Variants in ANXA2R observed in about 807,000 individuals in gnomAD.
The protein encoded by ANXA2R is annexin A2 receptor.
For missense variants in ANXA2R, 244 were observed against 241.5 expected (o/e 1.01, Z -0.07); for synonymous variants, 93 against 93.6 (o/e 0.99, Z 0.04).
In ANXA2R at chr5:43,039,717, T is replaced by C. The variant is rs1488236268; in HGVS notation, c.330A>G (p.Ala110=). ...QEAPVEEVGQ[A]EEPDRLRLQQ... The stretch of plus-strand genomic sequence containing the variant: ...GGAGCCTGAGTCTGTCGGGTTCCTC[T>C]GCCTGCCCCACCTCTTCTACGGGTG... Residue 110 remains alanine (A), a synonymous_variant, in exon 1 of 1, where the codon GCA becomes GCG. Transcript: ENST00000616064. 1 of 1,614,038 alleles carries C rather than the reference T, an allele frequency of 6.2e-7. No homozygotes were observed. The highest frequency in any genetic ancestry group is 8.5e-7 in the Non-Finnish European group (1 of 1,179,988).
rs918488723 is a variant in ANXA2R at position 43,039,723 on chromosome 5, C to T, written c.324G>A (p.Gly108=). The change falls in exon 1 of 1, where the codon GGG becomes GGA. Residue 108 remains glycine (G), a synonymous_variant. Transcript: ENST00000616064. ...TGAGTCTGTCGGGTTCCTCTGCCTGCCCCACCTCTTCTACGGGTGCCTCTT... is the reference window on the plus strand; with the variant it reads ...TGAGTCTGTCGGGTTCCTCTGCCTGTCCCACCTCTTCTACGGGTGCCTCTT... ...KQQEAPVEEV[G]QAEEPDRLRL... 2 of 1,614,002 alleles carry T rather than the reference C, an allele frequency of 1.2e-6. No individual in the cohort carries two copies. The highest frequency in any genetic ancestry group is 2.2e-5 in the East Asian group (1 of 44,894).
upstream of ANXA2R, chr5:43,041,029 C>T (rs929734756): frequency 7.2e-5 from 11 of 152,094 alleles, no homozygotes; most frequent in Non-Finnish European, 1.3e-4. Context: ...AACCTGATAC[C>T]AGCGAGGCTA....
chr5:43,040,711 T>C (rs576443174), upstream of ANXA2R: 1 of 152,364 alleles, frequency 6.6e-6, no homozygotes, highest in East Asian at 1.9e-4. Context: ...TTAATATGTT[T>C]TAACCCGTTT....
chr5:43,040,624 CTG>C (rs1308101311), upstream of ANXA2R: 2 of 153,328 alleles, frequency 1.3e-5, no homozygotes, highest in Non-Finnish European at 2.9e-5. Flanking sequence ...TGAACCAACT[CTG>C]TTTCAATGTG....
At chr5:43,041,355 C>T (rs753870873), upstream of ANXA2R, 8 of 151,878 alleles carry the variant, frequency 5.3e-5, no homozygotes, top group Non-Finnish European at 1.0e-4. Context: ...TAATTTCCTA[C>T]GAGAAAAAAA....
rs767183071 is a variant in ANXA2R at position 43,039,924 on chromosome 5, A to G, written c.123T>C (p.Tyr41=). ...EDRGPWPLPL[Y]PVLGEYSLDS... ...CCAGTGAGTACTCTCCTAGTACTGG[A>G]TACAAAGGAAGAGGCCACGGCCCAC... is the stretch of plus-strand genomic sequence containing the variant. The change falls in exon 1 of 1, where the codon TAT becomes TAC. Residue 41 remains tyrosine, a synonymous_variant. Coordinates refer to ENST00000616064, the MANE Select transcript of ANXA2R (RefSeq NM_001014279.3). The G allele has an allele frequency of 5.0e-6, 8 of 1,614,090 alleles. No individual in the cohort carries two copies. The South Asian group carries it at 8.8e-5, about 18-fold the overall frequency.
At chr5:43,041,739 G>C (rs769740903), upstream of ANXA2R, 1 of 151,988 alleles carries the variant, frequency 6.6e-6, no homozygotes, top group Non-Finnish European at 1.5e-5. Flanking sequence ...GTAGGAAACC[G>C]GAACTTGCTA....
upstream of ANXA2R, chr5:43,042,520 C>G (rs1286663291): frequency 2.6e-5 from 4 of 152,768 alleles, no homozygotes; most frequent in Non-Finnish European, 5.9e-5. This position sits in a 1 kb window ranked among gnomAD's most constrained non-coding sequence, Gnocchi z 5.6. Context: ...ACAGCAAAAC[C>G]GCCGGCTTCG....
In ANXA2R at chr5:43,040,103, C is replaced by A; in HGVS notation, c.-57G>T. 1 of 1,498,030 alleles carries A rather than the reference C, an allele frequency of 6.7e-7. No individual in the cohort carries two copies. Among genetic ancestry groups the A allele is most frequent in the Admixed American group, 2.1e-5 (1 of 47,416 alleles). The allele number at this position is 1,498,030 out of a possible 1,614,324, so 92.8% of individuals were successfully genotyped here. On this transcript the variant is annotated 5_prime_UTR_variant, in exon 1 of 1. Coordinates refer to ENST00000616064, the MANE Select transcript of ANXA2R (RefSeq NM_001014279.3). Reference sequence around the variant, plus strand: ...TCAAGGAGGGAGAGTCTCTGCACTACCATCAGCCTGAGTATTTATGCTCTG... The same window carrying A: ...TCAAGGAGGGAGAGTCTCTGCACTAACATCAGCCTGAGTATTTATGCTCTG...
At position 43,040,186 on chromosome 5, in the gene ANXA2R, C is replaced by A; in HGVS notation, c.-140G>T. On this transcript the variant is annotated 5_prime_UTR_variant, in exon 1 of 1. Coordinates refer to ENST00000616064, the MANE Select transcript of ANXA2R (RefSeq NM_001014279.3). ...AAGAAACTCAGTAGTAACAAATGCACGAAAATTAGTAGACAAATGAAAAAC... is the reference window on the plus strand; with the variant it reads ...AAGAAACTCAGTAGTAACAAATGCAAGAAAATTAGTAGACAAATGAAAAAC... 1 of 661,352 alleles carries A rather than the reference C, an allele frequency of 1.5e-6. No homozygotes were observed. Among genetic ancestry groups the A allele is most frequent in the Non-Finnish European group, 2.5e-6 (1 of 397,660 alleles). 41.0% of individuals were successfully genotyped at this position (661,352 alleles called of 1,614,324 possible). A position where few individuals can be genotyped will look rare whatever the true frequency, so the allele number is the denominator to read the frequency against.
upstream of ANXA2R, chr5:43,042,004 A>C (rs1161796418): frequency 6.6e-6 from 1 of 152,318 alleles, no homozygotes; most frequent in Admixed American, 6.5e-5. This position sits in a 1 kb window ranked among gnomAD's most constrained non-coding sequence, Gnocchi z 5.6. Context: ...AATCCCAGGC[A>C]CCGCGAAATC....
In ANXA2R at chr5:43,039,474, C is replaced by G. The variant is rs772011204; in HGVS notation, c.573G>C (p.Lys191Asn). 1.9e-6 allele frequency: 3 copies of G among 1,553,606 alleles called. No homozygotes were observed. The African/African-American group carries it at 4.1e-5, about 21-fold the overall frequency. Residue 191 changes from lysine to asparagine, a missense_variant, in exon 1 of 1, where the codon AAG becomes AAC. Transcript: ENST00000616064. ...WACCSRICGA[K>N]QP ...AGCCTTCTGCTGCTATCTAAGGCTGCTTAGCTCCACAGATCCGTGAACAGC... is the reference window on the plus strand; with the variant it reads ...AGCCTTCTGCTGCTATCTAAGGCTGGTTAGCTCCACAGATCCGTGAACAGC...
At position 43,039,849 on chromosome 5, in the gene ANXA2R, T is replaced by G; in HGVS notation, c.198A>C (p.Gly66=). The change falls in exon 1 of 1, where the codon GGA becomes GGC. Residue 66 remains glycine, a synonymous_variant. Coordinates refer to ENST00000616064, the MANE Select transcript of ANXA2R (RefSeq NM_001014279.3). ...LLSSPCWRLP[G]VYWQNGLSPG... ...GAGAGAGTCCGTTTTGCCAGTAGAC[T>G]CCGGGCAGCCGCCAGCAAGGGCTGG... 1 of 1,614,220 alleles carries G rather than the reference T, an allele frequency of 6.2e-7. No individual in the cohort carries two copies. The highest frequency in any genetic ancestry group is 8.5e-7 in the Non-Finnish European group (1 of 1,180,034).
At chr5:43,041,145 A>G (rs1255033849), upstream of ANXA2R, 1 of 152,186 alleles carries the variant, frequency 6.6e-6, no homozygotes, top group Non-Finnish European at 1.5e-5. Flanking sequence ...TAAAATAATG[A>G]AAGTCTGAAA....
chr5:43,039,728 C>A lies in ANXA2R; in HGVS notation c.319G>T (p.Val107Leu). 1 of 1,614,180 alleles carries A rather than the reference C, an allele frequency of 6.2e-7. No homozygotes were observed. ...CTGTCGGGTTCCTCTGCCTGCCCCA[C>A]CTCTTCTACGGGTGCCTCTTGCTGC... ...QKQQEAPVEE[V>L]GQAEEPDRLR... is the part of the protein sequence containing the mutation. The change falls in exon 1 of 1, where the codon GTG becomes TTG. Residue 107 changes from valine (V) to leucine (L), a missense_variant. Transcript: ENST00000616064.
Position 43,040,257 on chromosome 5 carries a change from C to CTGTGGTCCTGT in ANXA2R, c.-212_-211insACAGGACCACA. On this transcript the variant is annotated 5_prime_UTR_variant, in exon 1 of 1. The change creates a premature stop within an existing upstream ORF in the 5' untranslated region. Transcript: ENST00000616064. ...ATAGAACCAAAACGAACCGTAATTC[C>CTGTGGTCCTGT]GACAGAAAAACATGGCGAGAAAAGA... 1 of 470,798 alleles carries CTGTGGTCCTGT rather than the reference C, an allele frequency of 2.1e-6. No homozygotes were observed. Among genetic ancestry groups the CTGTGGTCCTGT allele is most frequent in the South Asian group, 4.9e-5 (1 of 20,556 alleles). The allele number at this position is 470,798 out of a possible 1,614,324, so 29.2% of individuals were successfully genotyped here. A position where few individuals can be genotyped will look rare whatever the true frequency, so the allele number is the denominator to read the frequency against.
Position 43,039,595 on chromosome 5 carries a change from G to A in ANXA2R, c.452C>T (p.Pro151Leu), listed in dbSNP as rs1412535594. 6.2e-7 allele frequency: 1 copy of A among 1,614,072 alleles called. No individual in the cohort carries two copies. The highest frequency in any genetic ancestry group is 1.1e-5 in the South Asian group (1 of 91,076). ...SGCLLERRHP[P>L]ALQPWRHLPG... is the part of the protein sequence containing the mutation. The stretch of plus-strand genomic sequence containing the variant: ...GAGGTGGCGCCACGGCTGGAGGGCA[G>A]GAGGATGGCGGCGTTCCAAAAGGCA... The change falls in exon 1 of 1, where the codon CCT becomes CTT. Residue 151 changes from proline to leucine, a missense_variant. Pro to Leu is a moderately conservative substitution (Grantham distance 98). Coordinates refer to ENST00000616064, the MANE Select transcript of ANXA2R (RefSeq NM_001014279.3).
rs777515259 is a variant in ANXA2R at position 43,039,674 on chromosome 5, T to C, written c.373A>G (p.Ser125Gly). Reference sequence around the variant, plus strand: ...TGTCTGTCCCAGGGATGGAGAGGACTGCTCCAGGGAAGCTGCTGGAGCCTG... The same window carrying C: ...TGTCTGTCCCAGGGATGGAGAGGACCGCTCCAGGGAAGCTGCTGGAGCCTG... ...RLRLQQLPWS[S>G]PLHPWDRQQD... The change falls in exon 1 of 1, where the codon AGT becomes GGT. Residue 125 changes from serine (S) to glycine (G), a missense_variant. Ser to Gly is a moderately conservative substitution (Grantham distance 56). Coordinates refer to ENST00000616064, the MANE Select transcript of ANXA2R (RefSeq NM_001014279.3). 2.5e-6 allele frequency: 4 copies of C among 1,613,446 alleles called. No individual in the cohort carries two copies. The highest frequency in any genetic ancestry group is 4.5e-5 in the East Asian group (2 of 44,890).
chr5:43,039,779 CAG>C lies in ANXA2R; in HGVS notation c.266_267del (p.Thr89ArgfsTer51). 6.2e-7 allele frequency: 1 copy of C among 1,614,202 alleles called. No homozygotes were observed. Among genetic ancestry groups the C allele is most frequent in the Non-Finnish European group, 8.5e-7 (1 of 1,180,010 alleles). ...TTCTGTGTCCCCGGCCAACTGAACT[CAG>C]TGGGCTTCGCTGTACTTGGTTCCAA... On this transcript the variant is annotated frameshift_variant, in exon 2 of 2. Transcript: ENST00000314890. LOFTEE classifies it low-confidence loss of function (END_TRUNC).
Sources: gnomAD v4.1 joint callset for allele counts on GRCh38, gnomAD v4.1.1 for gene constraint, Gnocchi (gnomAD v3.1) non-coding constraint, MANE v1.5 for transcripts, NCBI Gene and HGNC (gene_info 2026-07-23, HGNC 2026-07-21) for gene names.